NTM: variants seen among roughly 807,000 people sequenced by gnomAD.
NTM encodes neurotrimin, also known as IgLON family member 2.
A neutral mutation model predicts 42.1 loss-of-function variants in NTM; 13 were observed. That is an observed-to-expected ratio of 0.31 (90% CI 0.20 to 0.49). The LOEUF (loss-of-function observed/expected upper bound fraction) is 0.49, where lower values mean the gene tolerates loss of function less well. NTM is among the 20% of genes least tolerant of loss of function. The probability of loss-of-function intolerance (pLI) is 0.99; values close to 1 mark genes in which losing one functional copy is unlikely to be tolerated. For missense variants in NTM, 373 were observed against 452.8 expected (o/e 0.82, Z 1.60); for synonymous variants, 187 against 179.2 (o/e 1.04, Z -0.35).
chr11:131,468,243 C>A (rs991316239), intron 1 of NTM, among the ~76,000 whole-genome samples: 4 of 152,244 alleles, frequency 2.6e-5, no homozygotes, highest in Non-Finnish European at 5.9e-5. Flanking sequence ...AGAGGCAACA[C>A]CCCATATGAC....
chr11:132,241,036 A>G (rs1044793064), intron 4 of NTM, among the ~76,000 whole-genome samples: 5 of 152,244 alleles, frequency 3.3e-5, no homozygotes, highest in Admixed American at 2.0e-4. Context: ...AATATTTAAA[A>G]TACTGTCTAA....
chr11:132,323,210 A>T (rs1246138805), intron 7 of NTM, among the ~76,000 whole-genome samples: 1 of 150,434 alleles, frequency 6.6e-6, no homozygotes. Flanking sequence ...AGAGACACAA[A>T]AAACCCTTCA....
intron 2 of NTM, among the ~76,000 whole-genome samples, chr11:132,037,994 T>C (rs1049838524): frequency 1.3e-5 from 2 of 152,190 alleles, no homozygotes; most frequent in Non-Finnish European, 2.9e-5. Flanking sequence ...ACTATGTAAA[T>C]AGGCAGATCT....
At chr11:131,376,412 A>G (rs562370430) in intron 1 of NTM, among the ~76,000 whole-genome samples, 1 of 152,248 alleles carries the variant, frequency 6.6e-6, no homozygotes, top group East Asian at 1.9e-4. Context: ...AAATCATGAC[A>G]GGAGATCACA....
chr11:132,111,548 A>G (rs2063201573), intron 2 of NTM, among the ~76,000 whole-genome samples: 1 of 152,158 alleles, frequency 6.6e-6, no homozygotes, highest in Non-Finnish European at 1.5e-5. Context: ...CCAATTCGTG[A>G]TGCTGCAGTC....
intron 3 of NTM, among the ~76,000 whole-genome samples, chr11:132,191,791 G>C (rs558916322): frequency 2.5e-4 from 38 of 152,234 alleles, no homozygotes; most frequent in African/African-American, 8.2e-4. Context: ...TGATACAAGA[G>C]TTGAAAGATG....
intron 2 of NTM, among the ~76,000 whole-genome samples, chr11:131,929,745 C>T (rs960978749): frequency 6.6e-6 from 1 of 152,122 alleles, no homozygotes; most frequent in African/African-American, 2.4e-5. Flanking sequence ...GTGAAGGTTT[C>T]CTCGAAGGAT....
chr11:131,477,486 A>G (rs1405241071), intron 1 of NTM, among the ~76,000 whole-genome samples: 1 of 151,910 alleles, frequency 6.6e-6, no homozygotes, highest in Non-Finnish European at 1.5e-5. Context: ...ACTGAGTGGG[A>G]GGGAGAGGAG....
intron 4 of NTM, among the ~76,000 whole-genome samples, chr11:132,298,231 G>A (rs1479678275): frequency 1.3e-5 from 2 of 152,226 alleles, no homozygotes; most frequent in South Asian, 2.1e-4. Flanking sequence ...AAGATACTGA[G>A]GCAATATGAC....
At chr11:131,622,951 C>T (rs7117212) in intron 1 of NTM, among the ~76,000 whole-genome samples, 19 of 152,086 alleles carry the variant, frequency 1.2e-4, no homozygotes, top group Non-Finnish European at 2.5e-4. Flanking sequence ...TTCAAATTGG[C>T]GTTCTCCTGA....
intron 2 of NTM, among the ~76,000 whole-genome samples, chr11:132,042,237 A>C (rs375202877): frequency 6.6e-6 from 1 of 152,172 alleles, no homozygotes; most frequent in Admixed American, 6.5e-5. Context: ...TAGATGCCAA[A>C]TAGCAGCCCC....
intron 1 of NTM, among the ~76,000 whole-genome samples, chr11:131,751,110 T>C (rs1261698216): frequency 6.6e-6 from 1 of 152,128 alleles, no homozygotes; most frequent in South Asian, 2.1e-4. Context: ...TCCCCTGATA[T>C]CCTCTCTCAG....
At chr11:131,844,784 A>C (rs2136720200) in intron 1 of NTM, among the ~76,000 whole-genome samples, 1 of 152,250 alleles carries the variant, frequency 6.6e-6, no homozygotes, top group Non-Finnish European at 1.5e-5. Context: ...CACATTTTAA[A>C]ATTTCATTGA....
chr11:131,901,934 C>A (rs187552410), intron 1 of NTM, among the ~76,000 whole-genome samples: 62 of 152,332 alleles, frequency 4.1e-4, no homozygotes, highest in Non-Finnish European at 7.3e-4. Flanking sequence ...TGAAGGAAAG[C>A]ATACCAAAGC....
At chr11:131,507,895 G>A (rs2047696342) in intron 1 of NTM, among the ~76,000 whole-genome samples, 2 of 151,964 alleles carry the variant, frequency 1.3e-5, no homozygotes, top group Non-Finnish European at 2.9e-5. Flanking sequence ...TGTGATTTTT[G>A]TACATTGATT....
chr11:131,749,444 T>C (rs149169071), intron 1 of NTM, among the ~76,000 whole-genome samples: 1 of 152,360 alleles, frequency 6.6e-6, no homozygotes, highest in Non-Finnish European at 1.5e-5. Flanking sequence ...CATTATGACA[T>C]TTACAGGCTA....
At chr11:132,030,386 A>G (rs2075761416) in intron 2 of NTM, among the ~76,000 whole-genome samples, 1 of 152,240 alleles carries the variant, frequency 6.6e-6, no homozygotes, top group Non-Finnish European at 1.5e-5. Flanking sequence ...ACTGTGCTGT[A>G]GGATAGGGAG....
chr11:132,230,935 C>T (rs1336847954), intron 4 of NTM, among the ~76,000 whole-genome samples: 1 of 152,150 alleles, frequency 6.6e-6, no homozygotes, highest in Non-Finnish European at 1.5e-5. Context: ...TCACTTGAGG[C>T]CAGGGGGTCG....
At chr11:131,725,373 G>C (rs1300834305) in intron 1 of NTM, among the ~76,000 whole-genome samples, 2 of 152,158 alleles carry the variant, frequency 1.3e-5, no homozygotes, top group Non-Finnish European at 2.9e-5. Flanking sequence ...GCCTGATATA[G>C]ACAAATAAAT....
Sources: gnomAD v4.1 joint callset for allele counts (sites outside exome capture counted in the v4.1 genomes callset) on GRCh38, gnomAD v4.1.1 for gene constraint, MANE v1.5 for transcripts, NCBI Gene and HGNC (gene_info 2026-07-23, HGNC 2026-07-21) for gene names.